Variants in PTPRD observed in about 807,000 individuals in gnomAD.
PTPRD encodes the protein receptor-type tyrosine-protein phosphatase delta.
Under a neutral mutation model 214.5 loss-of-function variants are expected in PTPRD, and 34 were observed. The observed-to-expected ratio is 0.16, with a 90% CI of 0.12 to 0.21. The LOEUF is 0.21. Among genes scored for constraint, PTPRD ranks in the 10% least tolerant of loss-of-function variants. The probability of loss-of-function intolerance (pLI) is 1.00; values close to 1 mark genes in which losing one functional copy is unlikely to be tolerated. For synonymous variants in PTPRD, 1,128 were observed against 845.7 expected (o/e 1.33, Z -5.79); for missense variants, 2,545 against 2,398.7 (o/e 1.06, Z -1.27).
intron 33 of PTPRD, among the ~76,000 whole-genome samples, chr9:8,458,684 C>G (rs1190419129): frequency 6.6e-6 from 1 of 152,092 alleles, no homozygotes; most frequent in African/African-American, 2.4e-5. Flanking sequence ...ACTCACGGGG[C>G]AGGTGTGTAC....
intron 10 of PTPRD, among the ~76,000 whole-genome samples, chr9:9,057,978 T>C (rs1421469091): frequency 1.3e-5 from 2 of 152,204 alleles, no homozygotes; most frequent in African/African-American, 2.4e-5. Flanking sequence ...ACACCTTCTT[T>C]TGTTATAGGA....
intron 8 of PTPRD, among the ~76,000 whole-genome samples, chr9:9,476,680 T>C (rs764631396): frequency 6.6e-6 from 1 of 152,222 alleles, no homozygotes; most frequent in Non-Finnish European, 1.5e-5. Flanking sequence ...AGTATACAGA[T>C]AGAAATCTGA....
chr9:8,752,472 C>T (rs2093626731), intron 11 of PTPRD, among the ~76,000 whole-genome samples: 1 of 152,208 alleles, frequency 6.6e-6, no homozygotes. Context: ...ACCAGCAGCC[C>T]TCAGGGCTGC....
intron 3 of PTPRD, among the ~76,000 whole-genome samples, chr9:10,053,703 G>T (rs2097573592): frequency 6.6e-6 from 1 of 152,060 alleles, no homozygotes; most frequent in African/African-American, 2.4e-5. Flanking sequence ...AATTTATGAA[G>T]ATACTAGAAA....
chr9:9,724,526 T>C (rs1394796963), intron 7 of PTPRD, among the ~76,000 whole-genome samples: 3 of 152,122 alleles, frequency 2.0e-5, no homozygotes, highest in Non-Finnish European at 4.4e-5. Flanking sequence ...TTAAATCCTG[T>C]ATAGAGCAGC....
At chr9:10,349,657 T>C (rs558910294) in intron 2 of PTPRD, among the ~76,000 whole-genome samples, 38 of 152,318 alleles carry the variant, frequency 2.5e-4, no homozygotes, top group African/African-American at 8.9e-4. Context: ...GTCATTTTCA[T>C]TTCATAATAT....
intron 9 of PTPRD, among the ~76,000 whole-genome samples, chr9:9,386,693 T>C (rs1240530236): frequency 6.6e-6 from 1 of 152,144 alleles, no homozygotes; most frequent in Non-Finnish European, 1.5e-5. Context: ...CACATGTACA[T>C]AAAATCACAC....
intron 11 of PTPRD, among the ~76,000 whole-genome samples, chr9:8,993,135 A>G (rs1006604809): frequency 6.6e-6 from 1 of 152,094 alleles, no homozygotes; most frequent in Non-Finnish European, 1.5e-5. Context: ...TGTTTTATGC[A>G]CAGATAGGGA....
chr9:8,774,375 G>A (rs1450793002), intron 11 of PTPRD, among the ~76,000 whole-genome samples: 1 of 152,044 alleles, frequency 6.6e-6, no homozygotes, highest in Non-Finnish European at 1.5e-5. Flanking sequence ...AGTGCCTTCA[G>A]AAAGGGAGAA....
intron 4 of PTPRD, among the ~76,000 whole-genome samples, chr9:9,969,978 G>C (rs1192024977): frequency 6.6e-6 from 1 of 152,062 alleles, no homozygotes; most frequent in Non-Finnish European, 1.5e-5. Context: ...TATGATTCAA[G>C]ATGCATCTGG....
intron 9 of PTPRD, among the ~76,000 whole-genome samples, chr9:9,225,053 T>G (rs1183702955): frequency 6.6e-6 from 1 of 152,020 alleles, no homozygotes; most frequent in East Asian, 1.9e-4. Flanking sequence ...CTCAAATCCA[T>G]AGGGAATAAT....
chr9:8,952,138 T>C (rs1260826998), intron 11 of PTPRD, among the ~76,000 whole-genome samples: 2 of 152,130 alleles, frequency 1.3e-5, no homozygotes, highest in East Asian at 3.9e-4. Flanking sequence ...CCCACTAAAA[T>C]AATGTGAGTT....
At chr9:8,440,172 A>C (rs1471895557) in intron 34 of PTPRD, among the ~76,000 whole-genome samples, 4 of 151,752 alleles carry the variant, frequency 2.6e-5, no homozygotes, top group Non-Finnish European at 5.9e-5. Context: ...GATATTCTTG[A>C]ATCCTCTCTA....
chr9:10,535,758 G>C (rs2057629181), intron 2 of PTPRD, among the ~76,000 whole-genome samples: 1 of 152,094 alleles, frequency 6.6e-6, no homozygotes, highest in Admixed American at 6.6e-5. Context: ...TCATGAAACT[G>C]TGCACAGCAA....
intron 11 of PTPRD, among the ~76,000 whole-genome samples, chr9:8,773,786 C>T (rs1287244944): frequency 6.6e-6 from 1 of 152,202 alleles, no homozygotes; most frequent in Non-Finnish European, 1.5e-5. Flanking sequence ...AATAAAATAG[C>T]TGCAGTTTCA....
rs180766516 is a variant in PTPRD, at chr9:9,118,289, T to C, written c.-143+65015A>G. 1.5e-4 allele frequency among the ~76,000 whole-genome samples: 23 copies of C among 152,334 alleles called. 1 individual carries two copies. Among genetic ancestry groups the C allele is most frequent in the Non-Finnish European group, 2.5e-4 (17 of 68,024 alleles). ...ATTATTAGCAGGATCTACCTGAGAATACATGGTAAGCTTGATCCCAAACCT... is the reference window on the plus strand; with the variant it reads ...ATTATTAGCAGGATCTACCTGAGAACACATGGTAAGCTTGATCCCAAACCT... On this transcript the variant is annotated intron_variant, in intron 10 of 45. Coordinates refer to ENST00000381196, the MANE Select transcript of PTPRD (RefSeq NM_002839.4).
At chr9:9,787,533 T>C (rs964580045) in intron 5 of PTPRD, among the ~76,000 whole-genome samples, 2 of 151,222 alleles carry the variant, frequency 1.3e-5, no homozygotes, top group African/African-American at 2.4e-5. Flanking sequence ...CCTAAATACA[T>C]CATTTCATAA....
At chr9:8,351,431 A>C (rs1327895491) in intron 39 of PTPRD, among the ~76,000 whole-genome samples, 1 of 151,976 alleles carries the variant, frequency 6.6e-6, no homozygotes, top group African/African-American at 2.4e-5. Context: ...AGGATAACAT[A>C]ATAATCTAAT....
chr9:10,040,334 C>T (rs1467532781), intron 3 of PTPRD, among the ~76,000 whole-genome samples: 2 of 152,012 alleles, frequency 1.3e-5, no homozygotes, highest in African/African-American at 4.8e-5. Context: ...CCATCCAGCA[C>T]ATTCAACAAT....
Sources: gnomAD v4.1 joint callset for allele counts (sites outside exome capture counted in the v4.1 genomes callset) on GRCh38, gnomAD v4.1.1 for gene constraint, MANE v1.5 for transcripts, NCBI Gene and HGNC (gene_info 2026-07-23, HGNC 2026-07-21) for gene names.